The following CCNJL variants were observed in gnomAD, a reference collection of about 807,000 sequenced individuals.
The protein encoded by CCNJL is cyclin-J-like protein.
CCNJL carries 33 observed loss-of-function variants against 33.4 expected under a neutral mutation model. The ratio of observed to expected loss-of-function variants is 0.99; its 90% confidence interval spans 0.75 to 1.32. The LOEUF is 1.32. Ranked by LOEUF, CCNJL falls within the 40% of genes most tolerant of loss-of-function variation. The pLI is 0.00. For synonymous variants in CCNJL, 227 were observed against 220.9 expected (o/e 1.03, Z -0.24); for missense variants, 512 against 499.7 (o/e 1.02, Z -0.23).
chr5:160,307,783 G>A (rs147815141), intron 2 of CCNJL, among the ~76,000 whole-genome samples: 104 of 152,278 alleles, frequency 6.8e-4, no homozygotes, highest in Middle Eastern at 3.4e-3. Flanking sequence ...GTGGGCTTCT[G>A]CAGATGCAGC....
intron 1 of CCNJL, among the ~76,000 whole-genome samples, chr5:160,326,486 CA>C (rs11461365): frequency 0.044 from 2,528 of 57,528 alleles, 8 homozygotes; most frequent in African/African-American, 0.061. Flanking sequence ...ACTCTGTCTC[CA>C]AAAAAAAAAA....
chr5:160,323,439 A>C (rs1346636700), intron 1 of CCNJL, among the ~76,000 whole-genome samples: 1 of 152,188 alleles, frequency 6.6e-6, no homozygotes, highest in Non-Finnish European at 1.5e-5. Context: ...CGTATAGGCA[A>C]TTCATTTATT....
chr5:160,257,838 A>G (rs1580944351), intron 4 of CCNJL, among the ~76,000 whole-genome samples: 1 of 151,698 alleles, frequency 6.6e-6, no homozygotes, highest in African/African-American at 2.4e-5. Context: ...GCTTGGGATC[A>G]CAATCACTGA....
chr5:160,299,218 C>T (rs1036089701), intron 2 of CCNJL, among the ~76,000 whole-genome samples: 4 of 152,116 alleles, frequency 2.6e-5, no homozygotes, highest in Non-Finnish European at 4.4e-5. Flanking sequence ...GGCGTGACCT[C>T]GGCTCACTGC....
At chr5:160,262,460 C>G (rs1250780789) in intron 3 of CCNJL, among the ~76,000 whole-genome samples, 1 of 152,236 alleles carries the variant, frequency 6.6e-6, no homozygotes, top group African/African-American at 2.4e-5. Flanking sequence ...TCTGAATCCT[C>G]AGGAGTTTGC....
chr5:160,324,951 C>T (rs1337592357), intron 1 of CCNJL, among the ~76,000 whole-genome samples: 1 of 152,162 alleles, frequency 6.6e-6, no homozygotes, highest in Non-Finnish European at 1.5e-5. Context: ...TCTCCCTTTG[C>T]AAGGGTATAT....
At chr5:160,335,726 C>T (rs1462070888) in intron 1 of CCNJL, among the ~76,000 whole-genome samples, 2 of 150,086 alleles carry the variant, frequency 1.3e-5, no homozygotes, top group Non-Finnish European at 3.0e-5. Context: ...CAAATGCCAT[C>T]ATGTCTAATT....
chr5:160,321,014 CTTTCTTTCTTTCTTT>C lies in CCNJL; in HGVS notation n.207-5524_207-5510del, dbSNP rs1316459927. Among the ~76,000 whole-genome samples the C allele has an allele frequency of 2.5e-4, 9 of 35,964 alleles. 1 individual carries two copies. Among genetic ancestry groups the C allele is most frequent in the African/African-American group, 8.6e-4 (7 of 8,164 alleles). 23.6% of individuals were successfully genotyped at this position (35,964 alleles called of 152,430 possible). On this transcript the variant is annotated intron_variant and non_coding_transcript_variant, in intron 1 of 7. Transcript: ENST00000377503. ...TCTTTCTTTCTCTCTCTCTCTCTCT[CTTTCTTTCTTTCTTT>C]CTTTCTTTCTTTCTTTCTTTCTTTC...
intron 1 of CCNJL, chr5:160,326,812 A>C (rs1468376219): frequency 1.2e-6 from 1 of 826,676 alleles, no homozygotes; most frequent in Non-Finnish European, 2.1e-6. Flanking sequence ...TGAGCAAGTG[A>C]ATATGCGGAT....
Position 160,251,608 on chromosome 5 carries a change from G to C in CCNJL, c.*1770C>G, listed in dbSNP as rs1027532566. 6.6e-6 allele frequency: 1 copy of C among 152,286 alleles called. No homozygotes were observed. Among genetic ancestry groups the C allele is most frequent in the East Asian group, 1.9e-4 (1 of 5,188 alleles). The allele number at this position is 152,286 out of a possible 1,614,324, so 9.4% of individuals were successfully genotyped here. On this transcript the variant is annotated 3_prime_UTR_variant, in exon 6 of 6. Coordinates refer to ENST00000257536, the MANE Select transcript of CCNJL (RefSeq NM_001308173.3). ...TGCTCACCAGGGCTGATTTGAGAGAGGGAAGGAGGGGCCGGCCCAAGAGGG... is the reference window on the plus strand; with the variant it reads ...TGCTCACCAGGGCTGATTTGAGAGACGGAAGGAGGGGCCGGCCCAAGAGGG...
chr5:160,255,078 G>GCTGA lies in CCNJL; in HGVS notation c.743+467_743+470dup, dbSNP rs1170956282. On this transcript the variant is annotated intron_variant, in intron 5 of 5. Coordinates refer to ENST00000257536, the MANE Select transcript of CCNJL (RefSeq NM_001308173.3). The stretch of plus-strand genomic sequence containing the variant: ...ACCTGTAATCCCAGCACTTTGGGAA[G>GCTGA]CTGAGGTGGGTGGATCATGAGGTCA... 3 of 152,376 alleles carry GCTGA rather than the reference G, an allele frequency of 2.0e-5. No homozygotes were observed. In the East Asian group the frequency reaches 5.8e-4, roughly 29 times the overall value. 9.4% of individuals were successfully genotyped at this position (152,376 alleles called of 1,614,324 possible).
At position 160,259,777 on chromosome 5, in the gene CCNJL, G is replaced by C; in HGVS notation, c.281-6C>G. 1 of 1,595,158 alleles carries C rather than the reference G, an allele frequency of 6.3e-7. No homozygotes were observed. The highest frequency in any genetic ancestry group is 1.1e-5 in the South Asian group (1 of 87,424). The stretch of plus-strand genomic sequence containing the variant: ...TTCCCGATCCTCGAACTTACCTGTC[G>C]GGGAGCAGGGGAAGCAGGGGTTACT... On this transcript the variant is annotated splice_polypyrimidine_tract_variant and splice_region_variant and intron_variant, in intron 3 of 5. Coordinates refer to ENST00000257536, the MANE Select transcript of CCNJL (RefSeq NM_001308173.3).
At chr5:160,256,896 C>T (rs538792054) in intron 4 of CCNJL, among the ~76,000 whole-genome samples, 8 of 150,704 alleles carry the variant, frequency 5.3e-5, no homozygotes, top group African/African-American at 1.2e-4. Context: ...CCAGCCTGGG[C>T]GACAGGGCAA....
At chr5:160,298,615 G>T (rs914782338) in intron 2 of CCNJL, among the ~76,000 whole-genome samples, 1 of 152,170 alleles carries the variant, frequency 6.6e-6, no homozygotes, top group Non-Finnish European at 1.5e-5. Flanking sequence ...AGTGCTTAAG[G>T]AATCACCAAG....
At chr5:160,287,281 T>C (rs1284817864) in intron 2 of CCNJL, among the ~76,000 whole-genome samples, 2 of 152,220 alleles carry the variant, frequency 1.3e-5, no homozygotes, top group African/African-American at 4.8e-5. Flanking sequence ...TGAATTGATC[T>C]ATCTCTGTCA....
Position 160,253,723 on chromosome 5 carries a change from G to C in CCNJL, c.819C>G (p.Pro273=), listed in dbSNP as rs760847342. 19 of 1,582,244 alleles carry C rather than the reference G, an allele frequency of 1.2e-5. No homozygotes were observed. The highest frequency in any genetic ancestry group is 1.5e-5 in the Non-Finnish European group (17 of 1,165,064). The change falls in exon 6 of 6, where the codon CCC becomes CCG. Residue 273 remains proline (P), a synonymous_variant. Coordinates refer to ENST00000257536, the MANE Select transcript of CCNJL (RefSeq NM_001308173.3). ...GCTGGAACAGCACTTGAGTGGGGGT[G>C]GGGGGTGTGCCGGGCACCATTGCCA... ...QALAMVPGTP[P]TPTQVLFQPP...
intron 3 of CCNJL, among the ~76,000 whole-genome samples, chr5:160,270,690 G>C (rs1398954223): frequency 6.6e-6 from 1 of 152,206 alleles, no homozygotes; most frequent in Non-Finnish European, 1.5e-5. Context: ...GAGAAATGTA[G>C]TGAGATTACA....
In CCNJL at chr5:160,252,290, T is replaced by C. The variant is rs975702496; in HGVS notation, c.*1088A>G. Reference sequence around the variant, plus strand: ...TATCAATGGTGGTATCAAACGCCCATGTACATCCCACTCCCCAAATACAGG... The same window carrying C: ...TATCAATGGTGGTATCAAACGCCCACGTACATCCCACTCCCCAAATACAGG... On this transcript the variant is annotated 3_prime_UTR_variant, in exon 6 of 6. Transcript: ENST00000257536. 2 of 152,672 alleles carry C rather than the reference T, an allele frequency of 1.3e-5. No homozygotes were observed. Among genetic ancestry groups the C allele is most frequent in the African/African-American group, 2.4e-5 (1 of 41,552 alleles). 9.5% of individuals were successfully genotyped at this position (152,672 alleles called of 1,614,324 possible). A position where few individuals can be genotyped will look rare whatever the true frequency, so the allele number is the denominator to read the frequency against.
intron 3 of CCNJL, among the ~76,000 whole-genome samples, chr5:160,275,431 G>A (rs1305652932): frequency 6.6e-6 from 1 of 152,100 alleles, no homozygotes. Flanking sequence ...GGGACTGTGA[G>A]CAAAGGGGAG....
Sources: gnomAD v4.1 joint callset for allele counts (sites outside exome capture counted in the v4.1 genomes callset) on GRCh38, gnomAD v4.1.1 for gene constraint, MANE v1.5 for transcripts, NCBI Gene and HGNC (gene_info 2026-07-23, HGNC 2026-07-21) for gene names.